The following HERC1 variants were observed in gnomAD, a reference collection of about 807,000 sequenced individuals.
HERC1 encodes the protein HECT and RLD domain containing E3 ubiquitin protein ligase family member 1.
HERC1 carries 160 observed loss-of-function variants against 554.3 expected under a neutral mutation model. The observed-to-expected ratio is 0.29, with a 90% CI of 0.25 to 0.33. The LOEUF (loss-of-function observed/expected upper bound fraction) is 0.33. Ranked by LOEUF, HERC1 falls within the 10% of genes least tolerant of loss-of-function variation. HERC1 has a pLI of 1.00. For missense variants in HERC1, 4,919 were observed against 5,918.5 expected, an observed-to-expected ratio of 0.83 and a Z score of 5.54; for synonymous variants, 2,175 against 2,131.7, an observed-to-expected ratio of 1.02 and a Z score of -0.56.
chr15:63,768,652 C>A (rs539205621), intron 2 of HERC1, among the ~76,000 whole-genome samples: 20 of 152,262 alleles, frequency 1.3e-4, no homozygotes, highest in Admixed American at 1.3e-3. Context: ...GGAGCTGGCA[C>A]CAGGGCCATC....
intron 1 of HERC1, among the ~76,000 whole-genome samples, chr15:63,806,761 C>T (rs1175818727): frequency 6.6e-6 from 1 of 152,168 alleles, no homozygotes; most frequent in Non-Finnish European, 1.5e-5. Flanking sequence ...TGGAACTCTG[C>T]CCAGAGAGAG....
chr15:63,776,037 C>CA (rs34323931), intron 1 of HERC1, among the ~76,000 whole-genome samples: 71,347 of 130,826 alleles, frequency 0.55, 19,604 homozygotes, highest in Middle Eastern at 0.8. Flanking sequence ...GACTCCGTCT[C>CA]AAAAAAAAAA....
chr15:63,776,995 T>C (rs1162939326), intron 1 of HERC1, among the ~76,000 whole-genome samples: 1 of 152,208 alleles, frequency 6.6e-6, no homozygotes, highest in Non-Finnish European at 1.5e-5. Context: ...ATATTTTTTA[T>C]ATACACACAA....
At position 63,686,475 on chromosome 15, in the gene HERC1, G is replaced by C. The variant is rs375968062; in HGVS notation, c.6109C>G (p.Pro2037Ala). 50 of 1,613,604 alleles carry C rather than the reference G, an allele frequency of 3.1e-5. No individual in the cohort carries two copies. The highest frequency in any genetic ancestry group is 3.6e-5 in the Non-Finnish European group (43 of 1,179,764). The change falls in exon 34 of 78, where the codon CCG becomes GCG. Residue 2037 changes from proline (P) to alanine (A), a missense_variant. By Grantham distance (27) the Pro-to-Ala change is conservative (BLOSUM62 -1). Coordinates refer to ENST00000443617, the MANE Select transcript of HERC1 (RefSeq NM_003922.4). ...NLPIQEVSFD[P>A]EKAQCCLVEN... ...ACTAGGCAACACTGAGCTTTCTCCG[G>C]GTCAAAGGATACTTCTTGGATAGGA...
intron 3 of HERC1, among the ~76,000 whole-genome samples, chr15:63,760,896 C>T (rs2075589225): frequency 6.6e-6 from 1 of 151,994 alleles, no homozygotes; most frequent in African/African-American, 2.4e-5. Context: ...AATTACTGAT[C>T]TTTAAAGAGA....
chr15:63,783,896 T>C (rs1186459182), intron 1 of HERC1, among the ~76,000 whole-genome samples: 2 of 151,794 alleles, frequency 1.3e-5, no homozygotes, highest in East Asian at 1.9e-4. Flanking sequence ...TGAAACCCCG[T>C]CTCTAATAAA....
At chr15:63,774,334 T>C (rs1382118336) in intron 2 of HERC1, among the ~76,000 whole-genome samples, 2 of 152,214 alleles carry the variant, frequency 1.3e-5, no homozygotes, top group African/African-American at 2.4e-5. Flanking sequence ...TTAACATAAA[T>C]TGGGAAATAT....
chr15:63,721,966 T>C, intron 19 of HERC1, among the ~76,000 whole-genome samples: 1 of 152,210 alleles, frequency 6.6e-6, no homozygotes, highest in South Asian at 2.1e-4. Flanking sequence ...GTTCAAGTGA[T>C]TGTTGTCCTT....
intron 2 of HERC1, among the ~76,000 whole-genome samples, chr15:63,770,968 C>CA (rs765631930): frequency 2.6e-5 from 4 of 152,126 alleles, no homozygotes; most frequent in Non-Finnish European, 5.9e-5. Flanking sequence ...GCAGGTAGAT[C>CA]ACCTGAGGTT....
At chr15:63,647,995 C>T (rs956140558) in intron 55 of HERC1, 74 bp downstream of exon 55, 1 of 1,178,530 alleles carries the variant, frequency 8.5e-7, no homozygotes, top group Non-Finnish European at 1.2e-6. Flanking sequence ...CTGACTTCTC[C>T]ACTGTGTAAT....
At chr15:63,703,925 A>G (rs928286889) in intron 25 of HERC1, among the ~76,000 whole-genome samples, 6 of 151,468 alleles carry the variant, frequency 4.0e-5, no homozygotes, top group Admixed American at 2.0e-4. Flanking sequence ...TCAAAAAAAA[A>G]AAAGAAAGAA....
chr15:63,801,903 C>G (rs910259286), intron 1 of HERC1, among the ~76,000 whole-genome samples: 5 of 152,188 alleles, frequency 3.3e-5, no homozygotes, highest in African/African-American at 1.2e-4. Flanking sequence ...CTCCTGAGCT[C>G]CAGACCTGGA....
chr15:63,723,115 T>C (rs1023242983), intron 19 of HERC1, 67 bp downstream of exon 19: 14 of 988,344 alleles, frequency 1.4e-5, no homozygotes, highest in Admixed American at 1.1e-4. Flanking sequence ...CTTACATATA[T>C]TGCATATATA....
rs2072410928 is a variant in HERC1, at chr15:63,696,346, G to C, written c.4906-7C>G. 1 of 1,593,448 alleles carries C rather than the reference G, an allele frequency of 6.3e-7. No individual in the cohort carries two copies. Among genetic ancestry groups the C allele is most frequent in the African/African-American group, 1.3e-5 (1 of 74,504 alleles). On this transcript the variant is annotated splice_polypyrimidine_tract_variant and splice_region_variant and intron_variant, in intron 26 of 77. Transcript: ENST00000443617. ...GAAGTGCCTCTAAACGAAGCTTGAG[G>C]AAAAAAACATATTTTAGAGTTCTTC...
At position 63,711,984 on chromosome 15, in the gene HERC1, G is replaced by A. The variant is rs543493509; in HGVS notation, c.4584+791C>T. Among the ~76,000 whole-genome samples, 10 of 152,246 alleles carry A rather than the reference G, an allele frequency of 6.6e-5. No individual in the cohort carries two copies. The East Asian group carries it at 1.7e-3, about 26-fold the overall frequency. On this transcript the variant is annotated intron_variant, in intron 24 of 77. Coordinates refer to ENST00000443617, the MANE Select transcript of HERC1 (RefSeq NM_003922.4). ...AGAAGCAATCTTCTAGATAGTTTTC[G>A]CTTTATATTTTACCAGTGACACTGT...
intron 40 of HERC1, among the ~76,000 whole-genome samples, chr15:63,667,368 T>C (rs2070695166): frequency 6.6e-6 from 1 of 151,930 alleles, no homozygotes; most frequent in Non-Finnish European, 1.5e-5. Context: ...ATGTATTCAG[T>C]AAGTTAGAGG....
At chr15:63,682,932 T>A (rs2071550732) in intron 34 of HERC1, among the ~76,000 whole-genome samples, 1 of 151,704 alleles carries the variant, frequency 6.6e-6, no homozygotes, top group African/African-American at 2.4e-5. Context: ...GGTTGGGAGT[T>A]CAAGTCCAGC....
chr15:63,691,642 G>GA (rs200587720), intron 31 of HERC1, among the ~76,000 whole-genome samples: 29 of 147,774 alleles, frequency 2.0e-4, no homozygotes, highest in African/African-American at 5.2e-4. Flanking sequence ...CTTATTAAAG[G>GA]AAAAAAAAAG....
At chr15:63,691,830 T>G (rs1358974613) in intron 31 of HERC1, among the ~76,000 whole-genome samples, 1 of 152,252 alleles carries the variant, frequency 6.6e-6, no homozygotes, top group Non-Finnish European at 1.5e-5. Flanking sequence ...ATAAGCTTAA[T>G]GTCACTAAAT....
Sources: allele counts gnomAD v4.1 joint callset (sites outside exome capture counted in the v4.1 genomes callset), GRCh38; gene constraint gnomAD v4.1.1; transcripts MANE v1.5; gene names NCBI Gene and HGNC (gene_info 2026-07-23, HGNC 2026-07-21).